AFG2A: variants seen among roughly 807,000 people sequenced by gnomAD.
AFG2A encodes ATPase family gene 2 protein homolog A.
the AFG2A span, among the ~76,000 whole-genome samples, chr4:123,004,288 C>T: frequency 2.0e-5 from 3 of 152,230 alleles, no homozygotes; most frequent in East Asian, 1.9e-4. Context: ...CGGCCTGCTT[C>T]GGCCGGCACA....
the AFG2A span, among the ~76,000 whole-genome samples, chr4:123,049,395 A>AT: frequency 2.0e-5 from 3 of 151,590 alleles, no homozygotes; most frequent in Non-Finnish European, 4.4e-5. Context: ...TTCTCCCTTC[A>AT]TTTTTTTTGA....
At chr4:122,999,156 G>GTTCT in the AFG2A span, among the ~76,000 whole-genome samples, 1 of 115,128 alleles carries the variant, frequency 8.7e-6, no homozygotes, top group African/African-American at 3.2e-5. Flanking sequence ...TGTTGATGGG[G>GTTCT]TTGTTTTTTT....
the AFG2A span, chr4:123,313,773 CA>C: frequency 1.1e-6 from 1 of 926,580 alleles, no homozygotes. Flanking sequence ...TAAATTTTAG[CA>C]ATGGGCATTT....
At chr4:123,238,453 G>T in the AFG2A span, among the ~76,000 whole-genome samples, 1 of 152,116 alleles carries the variant, frequency 6.6e-6, no homozygotes, top group Non-Finnish European at 1.5e-5. Flanking sequence ...ATACAGGCGG[G>T]TTTCCCTCTG....
chr4:123,162,236 A>C, the AFG2A span, among the ~76,000 whole-genome samples: 2 of 152,246 alleles, frequency 1.3e-5, no homozygotes, highest in Non-Finnish European at 2.9e-5. Context: ...TTTATGATAA[A>C]GGAGAATTTT....
the AFG2A span, among the ~76,000 whole-genome samples, chr4:123,272,954 G>T: frequency 6.6e-6 from 1 of 152,078 alleles, no homozygotes; most frequent in African/African-American, 2.4e-5. Flanking sequence ...ATATCCAAGA[G>T]AAAAATGAGA....
chr4:123,079,682 A>G, the AFG2A span, among the ~76,000 whole-genome samples: 1 of 130,918 alleles, frequency 7.6e-6, no homozygotes, highest in Admixed American at 7.6e-5. Flanking sequence ...GTTATTTTTT[A>G]TTTCTTTACT....
the AFG2A span, among the ~76,000 whole-genome samples, chr4:123,211,159 T>C: frequency 6.6e-6 from 1 of 152,194 alleles, no homozygotes; most frequent in Non-Finnish European, 1.5e-5. Context: ...GCTTAATTTT[T>C]ATAGTTTATT....
chr4:123,114,669 C>A, the AFG2A span, among the ~76,000 whole-genome samples: 2 of 152,212 alleles, frequency 1.3e-5, no homozygotes, highest in African/African-American at 2.4e-5. Context: ...CCCACAGCCA[C>A]AACCCAGGCA....
At chr4:123,127,507 G>A in the AFG2A span, among the ~76,000 whole-genome samples, 6 of 152,170 alleles carry the variant, frequency 3.9e-5, no homozygotes, top group African/African-American at 1.2e-4. Context: ...CAGTTGGTAA[G>A]CTGATAGAAT....
the AFG2A span, among the ~76,000 whole-genome samples, chr4:122,983,533 T>A: frequency 8.7e-4 from 132 of 152,328 alleles, 1 homozygote; most frequent in African/African-American, 2.9e-3. Flanking sequence ...GACTTTTTTT[T>A]ATTTTTCTTT....
At chr4:122,945,078 T>G in the AFG2A span, among the ~76,000 whole-genome samples, 2 of 152,156 alleles carry the variant, frequency 1.3e-5, no homozygotes, top group Non-Finnish European at 2.9e-5. Context: ...GCTGCTCGGG[T>G]GTCAGGGGTC....
At chr4:122,950,661 C>T in the AFG2A span, among the ~76,000 whole-genome samples, 8 of 152,174 alleles carry the variant, frequency 5.3e-5, 1 homozygote, top group South Asian at 6.2e-4. Context: ...TTGATGGAGA[C>T]GCTGTAGGCT....
chr4:123,170,411 GATAAGT>G, the AFG2A span, among the ~76,000 whole-genome samples: 1 of 152,170 alleles, frequency 6.6e-6, no homozygotes, highest in African/African-American at 2.4e-5. Flanking sequence ...ATAAGAAGGA[GATAAGT>G]ATAACAGTTT....
the AFG2A span, among the ~76,000 whole-genome samples, chr4:123,028,645 A>G: frequency 6.6e-6 from 1 of 152,118 alleles, no homozygotes. Flanking sequence ...GGTATTTCTT[A>G]TATCCATGTG....
the AFG2A span, among the ~76,000 whole-genome samples, chr4:123,081,072 AT>A: frequency 1.3e-5 from 2 of 152,106 alleles, no homozygotes; most frequent in Non-Finnish European, 1.5e-5. Context: ...AGAGTGATAC[AT>A]TTGTTACAAT....
At chr4:122,944,912 G>C in the AFG2A span, among the ~76,000 whole-genome samples, 2 of 152,184 alleles carry the variant, frequency 1.3e-5, no homozygotes, top group African/African-American at 4.8e-5. Context: ...TCCAGACCCT[G>C]TTTGCCTGGG....
the AFG2A span, among the ~76,000 whole-genome samples, chr4:123,121,390 C>T: frequency 2.0e-5 from 3 of 152,024 alleles, no homozygotes; most frequent in Non-Finnish European, 4.4e-5. Context: ...CAGTAATGTC[C>T]TGGGCCTTCA....
chr4:123,105,241 C>T, the AFG2A span, among the ~76,000 whole-genome samples: 1 of 152,112 alleles, frequency 6.6e-6, no homozygotes, highest in Admixed American at 6.6e-5. Context: ...AAAACAAAGC[C>T]TGGTTGACAG....
Sources: allele counts gnomAD v4.1 joint callset (sites outside exome capture counted in the v4.1 genomes callset), GRCh38; gene constraint gnomAD v4.1.1; transcripts MANE v1.5; gene names NCBI Gene and HGNC (gene_info 2026-07-23, HGNC 2026-07-21).